CUX1: variants seen among roughly 807,000 people sequenced by gnomAD.
CUX1 encodes the protein protein CASP.
A neutral mutation model predicts 158.8 loss-of-function variants in CUX1; 31 were observed. The ratio of observed to expected loss-of-function variants is 0.20; its 90% CI spans 0.15 to 0.26. The LOEUF (loss-of-function observed/expected upper bound fraction) is 0.26. Ranked by LOEUF, CUX1 falls within the 10% of genes least tolerant of loss-of-function variation. CUX1 has a pLI of 1.00. For synonymous variants in CUX1, 879 were observed against 862.1 expected (o/e 1.02, Z -0.34); for missense variants, 1,589 against 2,014.6 (o/e 0.79, Z 4.04).
intron 20 of CUX1, among the ~76,000 whole-genome samples, chr7:102,211,167 C>G (rs1796472417): frequency 6.6e-6 from 1 of 152,162 alleles, no homozygotes; most frequent in African/African-American, 2.4e-5. Flanking sequence ...AGGCAGGGGC[C>G]AGGCGCGGTG....
intron 4 of CUX1, among the ~76,000 whole-genome samples, chr7:102,073,328 G>A (rs993481640): frequency 2.0e-5 from 3 of 151,452 alleles, no homozygotes; most frequent in Non-Finnish European, 2.9e-5. Context: ...CACCCATCAC[G>A]ACACCCAGCT....
chr7:101,880,888 A>G (rs10261568), intron 1 of CUX1, among the ~76,000 whole-genome samples: 58,542 of 151,996 alleles, frequency 0.39, 12,510 homozygotes, highest in East Asian at 0.85. Flanking sequence ...TGTGGGCCCA[A>G]GGAGTCCTCC....
At chr7:102,145,086 TAAAAA>T (rs59225537) in intron 8 of CUX1, among the ~76,000 whole-genome samples, 3 of 118,778 alleles carry the variant, frequency 2.5e-5, no homozygotes, top group Non-Finnish European at 3.4e-5. Flanking sequence ...GACTCCGTCT[TAAAAA>T]AAAAAAAAAA....
rs781978019 is a variant in CUX1, at chr7:102,227,558, C to G, written c.3322C>G (p.Leu1108Val). ...SDSQPTTPLP[L>V]SGHSALSIQE... ...CTCCCAGCCCACAACCCCGCTGCCT[C>G]TCTCCGGACACTCGGCCCTCAGCAT... is the stretch of plus-strand genomic sequence containing the variant. The change falls in exon 21 of 24, where the codon CTC becomes GTC. Residue 1108 changes from leucine (L) to valine (V), a missense_variant. Leu to Val is a conservative substitution (Grantham distance 32). Transcript: ENST00000292535. 3.7e-6 allele frequency: 6 copies of G among 1,614,082 alleles called. No individual in the cohort carries two copies. The African/African-American group carries it at 6.7e-5, about 18-fold the overall frequency.
chr7:102,212,313 G>A (rs1796614457), intron 20 of CUX1, among the ~76,000 whole-genome samples: 1 of 152,086 alleles, frequency 6.6e-6, no homozygotes, highest in Non-Finnish European at 1.5e-5. Flanking sequence ...GTCATCAAGT[G>A]AGCAAGGCAG....
rs550535381 is a variant in CUX1, at chr7:102,254,745, CCT to C, written c.*5704_*5705del. ...GTGACCACAAGGGCAGGGCTTGTGC[CCT>C]GAGTGGCGAGGTGGTGACCTGAGGC... On this transcript the variant is annotated 3_prime_UTR_variant, in exon 24 of 24. Coordinates refer to ENST00000292535, the MANE Select transcript of CUX1 (RefSeq NM_181552.4). 128 of 985,344 alleles carry C rather than the reference CCT, an allele frequency of 1.3e-4. No individual in the cohort carries two copies. Among genetic ancestry groups the C allele is most frequent in the Middle Eastern group, 5.2e-4 (1 of 1,938 alleles). The allele number at this position is 985,344 out of a possible 1,614,324, so 61.0% of individuals were successfully genotyped here.
At chr7:102,067,570 A>G (rs1253339105) in intron 3 of CUX1, among the ~76,000 whole-genome samples, 3 of 151,758 alleles carry the variant, frequency 2.0e-5, no homozygotes, top group African/African-American at 7.3e-5. Flanking sequence ...ATTAGGAAAA[A>G]AAAATAGAAA....
At chr7:102,048,310 C>G (rs1184499892) in intron 3 of CUX1, among the ~76,000 whole-genome samples, 2 of 152,164 alleles carry the variant, frequency 1.3e-5, no homozygotes, top group Non-Finnish European at 2.9e-5. Flanking sequence ...GTATTCCCAC[C>G]ACCTCCAATG....
chr7:101,965,118 C>G (rs1252204137), intron 2 of CUX1, among the ~76,000 whole-genome samples: 2 of 152,192 alleles, frequency 1.3e-5, no homozygotes, highest in Non-Finnish European at 2.9e-5. Context: ...TGAGCCTCCT[C>G]GGAAATGGCA....
intron 1 of CUX1, among the ~76,000 whole-genome samples, chr7:101,914,790 C>T (rs1261673280): frequency 6.6e-6 from 1 of 152,110 alleles, no homozygotes; most frequent in African/African-American, 2.4e-5. Flanking sequence ...TGAGCCACCT[C>T]GCCCGGCCTG....
chr7:102,073,866 G>A (rs1419414135), intron 4 of CUX1, among the ~76,000 whole-genome samples: 2 of 152,130 alleles, frequency 1.3e-5, no homozygotes, highest in Admixed American at 1.3e-4. Context: ...GATGGATGGT[G>A]GGAGCAAAGA....
At chr7:101,826,587 C>T (rs1793324390) in intron 1 of CUX1, among the ~76,000 whole-genome samples, 1 of 152,184 alleles carries the variant, frequency 6.6e-6, no homozygotes, top group Admixed American at 6.5e-5. Flanking sequence ...AGTGGCTTCC[C>T]GCCTAGAGGG....
intron 4 of CUX1, among the ~76,000 whole-genome samples, chr7:102,073,827 C>G (rs1826412648): frequency 6.6e-6 from 1 of 151,956 alleles, no homozygotes; most frequent in African/African-American, 2.4e-5. Flanking sequence ...TTATTTCTGG[C>G]CAGAGAATTG....
At chr7:102,112,105 A>AC in intron 7 of CUX1, 31 of 167,488 alleles carry the variant, frequency 1.9e-4, no homozygotes, top group Non-Finnish European at 2.8e-4. Context: ...GAACAATAAT[A>AC]GAAAAAAAAA....
In CUX1 at chr7:102,254,545, G is replaced by T; in HGVS notation, c.*5503G>T. The T allele has an allele frequency of 1.0e-6, 1 of 985,538 alleles. No individual in the cohort carries two copies. Among genetic ancestry groups the T allele is most frequent in the South Asian group, 4.7e-5 (1 of 21,284 alleles). The allele number at this position is 985,538 out of a possible 1,614,324, so 61.0% of individuals were successfully genotyped here. A position where few individuals can be genotyped will look rare whatever the true frequency, so the allele number is the denominator to read the frequency against. ...TCCTGGGGCTGGTGGTTGGAGGTGG[G>T]TCTGTCCACTGTGGGGGCCAAAGTG... On this transcript the variant is annotated 3_prime_UTR_variant, in exon 24 of 24. Coordinates refer to ENST00000292535, the MANE Select transcript of CUX1 (RefSeq NM_181552.4).
downstream of CUX1, among the ~76,000 whole-genome samples, chr7:102,262,521 G>A (rs1790479726): frequency 6.6e-6 from 1 of 152,244 alleles, no homozygotes; most frequent in Non-Finnish European, 1.5e-5. Context: ...AAGGATCCAA[G>A]TGAGGCCTAT....
chr7:101,965,601 A>G (rs563639772), intron 2 of CUX1, among the ~76,000 whole-genome samples: 1 of 152,060 alleles, frequency 6.6e-6, no homozygotes, highest in African/African-American at 2.4e-5. Flanking sequence ...TAATCCCAGC[A>G]CTTTGGGAGG....
chr7:101,906,549 C>T (rs1202117650), intron 1 of CUX1, among the ~76,000 whole-genome samples: 7 of 151,898 alleles, frequency 4.6e-5, no homozygotes, highest in African/African-American at 1.7e-4. Context: ...CAGGAAGCCA[C>T]AGAAGGCATT....
intron 1 of CUX1, among the ~76,000 whole-genome samples, chr7:101,898,434 A>G (rs13229243): frequency 1.3e-5 from 2 of 152,016 alleles, no homozygotes. Flanking sequence ...GGGACGGGGA[A>G]GTCTCCAATG....
Sources: gnomAD v4.1 joint callset for allele counts (sites outside exome capture counted in the v4.1 genomes callset) on GRCh38, gnomAD v4.1.1 for gene constraint, MANE v1.5 for transcripts, NCBI Gene and HGNC (gene_info 2026-07-23, HGNC 2026-07-21) for gene names.